FREM3: variants seen among roughly 807,000 people sequenced by gnomAD.
FREM3 encodes FRAS1 related extracellular matrix 3.
In FREM3, 105 loss-of-function variants were observed where a neutral mutation model predicts 129.1. The observed-to-expected ratio is 0.81, with a 90% CI of 0.69 to 0.96. The LOEUF (loss-of-function observed/expected upper bound fraction) is 0.96, where lower values mean the gene tolerates loss of function less well. Among genes scored for constraint, FREM3 ranks in the 40% least tolerant of loss-of-function variants. The probability of loss-of-function intolerance (pLI) is 0.00; values close to 1 mark genes in which losing one functional copy is unlikely to be tolerated. For synonymous variants in FREM3, 1,014 were observed against 1,044.9 expected (o/e 0.97, Z 0.57); for missense variants, 2,593 against 2,666.3 (o/e 0.97, Z 0.61).
At chr4:143,664,772 C>T (rs1012912606) in intron 2 of FREM3, among the ~76,000 whole-genome samples, 1 of 152,194 alleles carries the variant, frequency 6.6e-6, no homozygotes, top group African/African-American at 2.4e-5. Context: ...CTTTGTTTAC[C>T]TAAGCAAGCC....
At chr4:143,621,565 G>C (rs1738952045) in intron 4 of FREM3, among the ~76,000 whole-genome samples, 1 of 152,098 alleles carries the variant, frequency 6.6e-6, no homozygotes, top group Admixed American at 6.5e-5. Context: ...GAAGAAAACT[G>C]TTTTCATGCT....
chr4:143,682,144 A>T (rs1219991285), intron 2 of FREM3, among the ~76,000 whole-genome samples: 2 of 152,192 alleles, frequency 1.3e-5, no homozygotes, highest in Non-Finnish European at 2.9e-5. Context: ...AAAATACAAA[A>T]TTTGGTATCC....
intron 2 of FREM3, among the ~76,000 whole-genome samples, chr4:143,678,321 C>T (rs1740184881): frequency 6.6e-6 from 1 of 151,710 alleles, no homozygotes; most frequent in Admixed American, 6.6e-5. Context: ...TGTTCTCACT[C>T]ATAGATGGGA....
chr4:143,651,294 C>A (rs1457475832), intron 2 of FREM3, among the ~76,000 whole-genome samples: 1 of 152,172 alleles, frequency 6.6e-6, no homozygotes, highest in Non-Finnish European at 1.5e-5. Flanking sequence ...TTTGCTAAAT[C>A]TTTTCAGCGT....
At chr4:143,611,125 A>G (rs1311542348) in intron 6 of FREM3, among the ~76,000 whole-genome samples, 154 bp downstream of exon 6, 1 of 152,182 alleles carries the variant, frequency 6.6e-6, no homozygotes, top group African/African-American at 2.4e-5. Flanking sequence ...GGTGATGTCT[A>G]TGCATTTGAA....
intron 2 of FREM3, among the ~76,000 whole-genome samples, chr4:143,692,095 A>AT (rs574085580): frequency 8.5e-4 from 129 of 152,150 alleles, no homozygotes; most frequent in African/African-American, 2.9e-3. Context: ...CTTTAAATTA[A>AT]TTTTTTTTAA....
At chr4:143,661,730 TG>T (rs1739728016) in intron 2 of FREM3, among the ~76,000 whole-genome samples, 1 of 152,346 alleles carries the variant, frequency 6.6e-6, no homozygotes, top group East Asian at 1.9e-4. Context: ...GGAGTCTTTT[TG>T]GTTGGTAAGC....
Position 143,698,600 on chromosome 4 carries a change from G to T in FREM3, c.2076C>A (p.Thr692=), listed in dbSNP as rs1159076732. Residue 692 remains threonine (T), a synonymous_variant, in exon 1 of 8, where the codon ACC becomes ACA. Coordinates refer to ENST00000329798, the MANE Select transcript of FREM3 (RefSeq NM_001168235.2). ...GTATATCCACTGGTTGGACCTTGAT[G>T]GTGAAAATGTGCTGTTTGGAGAGAT... ...PPNLSKQHIF[T]IKVQPVDILS... 11 of 1,537,694 alleles carry T rather than the reference G, an allele frequency of 7.2e-6. No homozygotes were observed. The highest frequency in any genetic ancestry group is 9.6e-6 in the Non-Finnish European group (11 of 1,147,036).
At chr4:143,590,482 T>G (rs1738338528) in intron 6 of FREM3, among the ~76,000 whole-genome samples, 1 of 152,246 alleles carries the variant, frequency 6.6e-6, no homozygotes, top group South Asian at 2.1e-4. Flanking sequence ...CTTTTCTGCA[T>G]CTATTGAGAT....
Position 143,696,298 on chromosome 4 carries a change from G to A in FREM3, c.4378C>T (p.His1460Tyr). 6.5e-7 allele frequency: 1 copy of A among 1,537,496 alleles called. No individual in the cohort carries two copies. Among genetic ancestry groups the A allele is most frequent in the Non-Finnish European group, 8.7e-7 (1 of 1,146,950 alleles). The change falls in exon 1 of 8, where the codon CAT (histidine) becomes TAT (tyrosine). Residue 1460 changes from histidine (H) to tyrosine (Y), a missense_variant. His to Tyr is a moderately conservative substitution (Grantham distance 83, BLOSUM62 2). Coordinates refer to ENST00000329798, the MANE Select transcript of FREM3 (RefSeq NM_001168235.2). ...GGAGCCCGTGTAATGCTAAAGTGAT[G>A]TTCATCAGAGCTGTTGATGTCACTG... ...TNSDINSSDE[H>Y]HFSITRAPSL...
chr4:143,585,848 T>G lies in FREM3; in HGVS notation c.6174A>C (p.Ala2058=). 1 of 1,537,262 alleles carries G rather than the reference T, an allele frequency of 6.5e-7. No homozygotes were observed. The highest frequency in any genetic ancestry group is 8.7e-7 in the Non-Finnish European group (1 of 1,146,910). Residue 2058 remains alanine (A), a synonymous_variant, in exon 7 of 8, where the codon GCA becomes GCC. Coordinates refer to ENST00000329798, the MANE Select transcript of FREM3 (RefSeq NM_001168235.2). This position sits in a 1 kb window ranked among gnomAD's most constrained non-coding sequence, Gnocchi z 4.2. ...TTCTTTAAGTGGCCCTCTCACCTTC[T>G]GCTGACTCCTGCTCTGACTTTCTGG... is the stretch of plus-strand genomic sequence containing the variant. ...VRSRKSEQES[A]EAGTDYVGIS...
Position 143,700,162 on chromosome 4 carries a change from G to A in FREM3, c.514C>T (p.Arg172Cys). 1.3e-6 allele frequency: 2 copies of A among 1,536,994 alleles called. No individual in the cohort carries two copies. The highest frequency in any genetic ancestry group is 2.7e-5 in the African/African-American group (2 of 73,174). Residue 172 changes from arginine to cysteine, a missense_variant, in exon 1 of 8, where the codon CGT becomes TGT. Around this residue, in one of 2 missense-constraint regions of FREM3, gnomAD observed 2,276 missense variants for 2,267.2 expected, o/e 1.00. Transcript: ENST00000329798. Reference sequence around the variant, plus strand: ...TTCTCCACTACCAAAGGCCTGTTACGCGTCACCAGCTCCAGCTGGGAGAAG... The same window carrying A: ...TTCTCCACTACCAAAGGCCTGTTACACGTCACCAGCTCCAGCTGGGAGAAG... ...LVFSQLELVT[R>C]NRPLVVEKLR...
In FREM3 at chr4:143,627,681, A is replaced by C. The variant is rs1267057714; in HGVS notation, c.5355T>G (p.Asp1785Glu). The change falls in exon 3 of 8, where the codon GAT (aspartate) becomes GAG (glutamate). Residue 1785 changes from aspartate to glutamate, a missense_variant. Asp to Glu is a conservative substitution (Grantham distance 45, BLOSUM62 2). Transcript: ENST00000329798. ...TCACTTCTAAGAATGTGGAATCTTC[A>C]TCCACAATGTAGTACTCTTTCTCCA... The part of the protein sequence containing the change: ...ICLEKEYYIV[D>E]EDSTFLEVTL... The C allele has an allele frequency of 6.5e-7, 1 of 1,529,754 alleles. No individual in the cohort carries two copies. The highest frequency in any genetic ancestry group is 2.0e-5 in the Admixed American group (1 of 50,978). 94.8% of individuals were successfully genotyped at this position (1,529,754 alleles called of 1,614,324 possible). A position where few individuals can be genotyped will look rare whatever the true frequency, so the allele number is the denominator to read the frequency against.
Position 143,696,202 on chromosome 4 carries a change from C to A in FREM3, c.4474G>T (p.Ala1492Ser), listed in dbSNP as rs1327715590. 9 of 1,537,786 alleles carry A rather than the reference C, an allele frequency of 5.9e-6. No individual in the cohort carries two copies. The highest frequency in any genetic ancestry group is 7.8e-6 in the Non-Finnish European group (9 of 1,147,056). Residue 1492 changes from alanine to serine, a missense_variant, in exon 1 of 8, where the codon GCT (alanine) becomes TCT (serine). Transcript: ENST00000329798. ...TGGACATAGGATATTTTGTTGCTAG[C>A]CAATTGAAGTTGAGTGAAAGAGGCA... is the stretch of plus-strand genomic sequence containing the variant. The part of the protein sequence containing the change: ...PIASFTQLQL[A>S]SNKISYVHTS...
At chr4:143,590,683 A>G (rs539858591) in intron 6 of FREM3, among the ~76,000 whole-genome samples, 1 of 152,274 alleles carries the variant, frequency 6.6e-6, no homozygotes, top group Non-Finnish European at 1.5e-5. Context: ...CATCAAGGAT[A>G]TTGGTCTAAA....
chr4:143,666,551 G>A (rs141274959), intron 2 of FREM3, among the ~76,000 whole-genome samples: 150 of 152,178 alleles, frequency 9.9e-4, no homozygotes, highest in Middle Eastern at 3.4e-3. Flanking sequence ...ATTATTCAGC[G>A]TAAAACAAAG....
intron 2 of FREM3, among the ~76,000 whole-genome samples, chr4:143,691,182 T>G (rs1028980624): frequency 1.3e-4 from 20 of 152,180 alleles, no homozygotes; most frequent in Non-Finnish European, 2.2e-4. Flanking sequence ...CTCAAATATT[T>G]TGGACTCTGT....
At chr4:143,688,653 C>A (rs979593817) in intron 2 of FREM3, among the ~76,000 whole-genome samples, 1 of 152,192 alleles carries the variant, frequency 6.6e-6, no homozygotes, top group Admixed American at 6.5e-5. Flanking sequence ...ACTAATACGG[C>A]GTGGTACTGG....
Position 143,696,793 on chromosome 4 carries a change from C to A in FREM3, c.3883G>T (p.Val1295Leu), listed in dbSNP as rs756476542. The A allele has an allele frequency of 1.4e-5, 22 of 1,537,650 alleles. No homozygotes were observed. The highest frequency in any genetic ancestry group is 4.4e-6 in the Non-Finnish European group (5 of 1,147,052). Reference sequence around the variant, plus strand: ...TCCACTAGGGTCACTACAATGGGTACCTTCCTGTGGGTTGTGTGCTTGCCG... The same window carrying A: ...TCCACTAGGGTCACTACAATGGGTAACTTCCTGTGGGTTGTGTGCTTGCCG... ...SDGKHTTHRK[V>L]PIVVTLVDDE... Residue 1295 changes from valine (V) to leucine (L), a missense_variant, in exon 1 of 8, where the codon GTA becomes TTA. Val to Leu is a conservative substitution (Grantham distance 32). Coordinates refer to ENST00000329798, the MANE Select transcript of FREM3 (RefSeq NM_001168235.2).
Sources: gnomAD v4.1 joint callset for allele counts (sites outside exome capture counted in the v4.1 genomes callset) on GRCh38, gnomAD v4.1.1 for gene constraint, gnomAD v4.1.1 regional missense constraint, Gnocchi (gnomAD v3.1) non-coding constraint, MANE v1.5 for transcripts, NCBI Gene and HGNC (gene_info 2026-07-23, HGNC 2026-07-21) for gene names.